KDM4C: variants seen among roughly 807,000 people sequenced by gnomAD.
KDM4C encodes the protein lysine-specific demethylase 4C.
KDM4C carries 81 observed loss-of-function variants against 129.3 expected under a neutral mutation model. That is an observed-to-expected ratio of 0.63 (90% CI 0.52 to 0.75). KDM4C has a LOEUF of 0.75. Among genes scored for constraint, KDM4C ranks in the 30% least tolerant of loss-of-function variants. The pLI is 0.00. For missense variants in KDM4C, 1,457 were observed against 1,304.0 expected, an observed-to-expected ratio of 1.12 and a Z score of -1.81; for synonymous variants, 573 against 456.1, an observed-to-expected ratio of 1.26 and a Z score of -3.26.
At chr9:6,725,820 C>G (rs1248480005) in intron 1 of KDM4C, among the ~76,000 whole-genome samples, 2 of 151,494 alleles carry the variant, frequency 1.3e-5, no homozygotes, top group East Asian at 3.9e-4. Context: ...AGCAATTCCC[C>G]TGCTTCAGCC....
At chr9:6,802,744 C>G (rs914475084) in intron 2 of KDM4C, among the ~76,000 whole-genome samples, 1 of 152,176 alleles carries the variant, frequency 6.6e-6, no homozygotes, top group Admixed American at 6.5e-5. Flanking sequence ...GGAGCTTGGA[C>G]TACAGGCATT....
At chr9:7,031,903 A>C (rs930096244) in intron 15 of KDM4C, among the ~76,000 whole-genome samples, 33 of 152,190 alleles carry the variant, frequency 2.2e-4, no homozygotes, top group African/African-American at 7.0e-4. Context: ...CCACTCCCCT[A>C]GTACTGCTAA....
chr9:6,933,858 AT>A (rs199855068), intron 8 of KDM4C, among the ~76,000 whole-genome samples: 2 of 149,584 alleles, frequency 1.3e-5, no homozygotes, highest in Non-Finnish European at 3.0e-5. Flanking sequence ...TTATTTATTT[AT>A]TTTTTTTTGA....
chr9:7,018,768 C>A (rs1321229959), intron 15 of KDM4C, among the ~76,000 whole-genome samples: 1 of 152,210 alleles, frequency 6.6e-6, no homozygotes, highest in Non-Finnish European at 1.5e-5. Flanking sequence ...ATGCTGTTTT[C>A]ATGTAGCATG....
chr9:6,967,489 C>T (rs1831203502), intron 8 of KDM4C, among the ~76,000 whole-genome samples: 1 of 151,260 alleles, frequency 6.6e-6, no homozygotes, highest in African/African-American at 2.4e-5. Context: ...AAAACGTTCA[C>T]AGAAAGACTT....
At chr9:7,064,993 A>C (rs541071612) in intron 17 of KDM4C, among the ~76,000 whole-genome samples, 1 of 152,320 alleles carries the variant, frequency 6.6e-6, no homozygotes, top group East Asian at 1.9e-4. Context: ...ATAAATTGAA[A>C]ACAAACACAA....
chr9:7,140,065 T>C (rs907060616), intron 19 of KDM4C, among the ~76,000 whole-genome samples: 6 of 152,234 alleles, frequency 3.9e-5, no homozygotes, highest in African/African-American at 1.4e-4. Flanking sequence ...GCATTCCTTC[T>C]CGTCACTCCT....
intron 1 of KDM4C, among the ~76,000 whole-genome samples, chr9:6,766,975 G>C (rs1409784755): frequency 6.6e-6 from 1 of 152,016 alleles, no homozygotes; most frequent in African/African-American, 2.4e-5. Context: ...CTCAGGACAG[G>C]CTTTGTCTGA....
chr9:6,917,809 C>T (rs1039231029), intron 8 of KDM4C, among the ~76,000 whole-genome samples: 1 of 152,136 alleles, frequency 6.6e-6, no homozygotes, highest in South Asian at 2.1e-4. Flanking sequence ...ACTTGAACTC[C>T]CATTCTTTTA....
intron 5 of KDM4C, among the ~76,000 whole-genome samples, chr9:6,852,058 A>T (rs551403516): frequency 6.6e-6 from 1 of 152,312 alleles, no homozygotes; most frequent in African/African-American, 2.4e-5. Flanking sequence ...TGTAACACTG[A>T]TTCTACATAC....
chr9:7,136,805 C>A (rs1277364682), intron 19 of KDM4C, among the ~76,000 whole-genome samples: 1 of 152,080 alleles, frequency 6.6e-6, no homozygotes, highest in Non-Finnish European at 1.5e-5. Context: ...GTATAAAGAG[C>A]AAAAGTTATA....
intron 4 of KDM4C, among the ~76,000 whole-genome samples, chr9:6,836,926 C>T (rs1161322926): frequency 5.3e-5 from 8 of 152,026 alleles, no homozygotes; most frequent in Non-Finnish European, 2.9e-5. Flanking sequence ...ACCTGATGTA[C>T]ATGTGTAAAA....
At chr9:6,789,611 C>A (rs941302891) in intron 1 of KDM4C, among the ~76,000 whole-genome samples, 4 of 152,080 alleles carry the variant, frequency 2.6e-5, no homozygotes, top group Non-Finnish European at 4.4e-5. Context: ...AGTGATCTGC[C>A]TGCCTCGACC....
intron 5 of KDM4C, among the ~76,000 whole-genome samples, chr9:6,852,229 A>C (rs553901563): frequency 7.6e-4 from 116 of 152,304 alleles, no homozygotes; most frequent in Middle Eastern, 3.4e-3. Context: ...AATATATTTG[A>C]GGTGAGCTTT....
intron 14 of KDM4C, among the ~76,000 whole-genome samples, chr9:7,014,915 AACACACACACAC>A (rs55864882): frequency 0.037 from 5,418 of 146,262 alleles, 144 homozygotes; most frequent in South Asian, 0.099. Context: ...GGCAATTTGT[AACACACACACAC>A]ACACACACAC....
intron 17 of KDM4C, among the ~76,000 whole-genome samples, chr9:7,079,573 A>G (rs1472538025): frequency 1.3e-5 from 2 of 152,174 alleles, no homozygotes; most frequent in Non-Finnish European, 2.9e-5. Context: ...CTGCCCATCT[A>G]AGCCTCCCAA....
intron 17 of KDM4C, 135 bp downstream of exon 17, chr9:7,049,335 A>G (rs1829838167): frequency 4.1e-6 from 2 of 492,190 alleles, no homozygotes; most frequent in Admixed American, 8.0e-5. Flanking sequence ...ATTTTCCTTT[A>G]GCCTAAATTT....
At chr9:6,736,043 G>A (rs764377114) in intron 1 of KDM4C, among the ~76,000 whole-genome samples, 2 of 152,160 alleles carry the variant, frequency 1.3e-5, no homozygotes, top group African/African-American at 4.8e-5. Flanking sequence ...TTAGCAAGGA[G>A]ACTGGCAGCA....
In KDM4C at chr9:7,122,265, A is replaced by ACTCTCTCTCTCTCT. The variant is rs1554751922; in HGVS notation, c.2611-5794_2611-5781dup. On this transcript the variant is annotated intron_variant, in intron 18 of 21. Transcript: ENST00000381309. ...CACACACACACACACACACACACAC[A>ACTCTCTCTCTCTCT]CTCTCTCTCTCTCTCTCTCTTAAAC... is the stretch of plus-strand genomic sequence containing the variant. Among the ~76,000 whole-genome samples, 5 of 144,714 alleles carry ACTCTCTCTCTCTCT rather than the reference A, an allele frequency of 3.5e-5. No homozygotes were observed. The East Asian group carries it at 8.2e-4, about 24-fold the overall frequency. 94.9% of individuals were successfully genotyped at this position (144,714 alleles called of 152,430 possible).
Sources: gnomAD v4.1 joint callset for allele counts (sites outside exome capture counted in the v4.1 genomes callset) on GRCh38, gnomAD v4.1.1 for gene constraint, MANE v1.5 for transcripts, NCBI Gene and HGNC (gene_info 2026-07-23, HGNC 2026-07-21) for gene names.